The following OCIAD1 variants were observed in gnomAD, a reference collection of about 807,000 sequenced individuals.
The protein encoded by OCIAD1 is OCIA domain-containing protein 1.
In OCIAD1, 29 loss-of-function variants were observed where a neutral mutation model predicts 38.9. That is an observed-to-expected ratio of 0.74 (90% CI 0.55 to 1.02). The LOEUF is 1.02. Ranked by LOEUF, OCIAD1 falls within the 50% of genes least tolerant of loss-of-function variation. OCIAD1 has a pLI of 0.00. For synonymous variants in OCIAD1, 110 were observed against 92.0 expected (o/e 1.20, Z -1.12); for missense variants, 288 against 289.6 (o/e 0.99, Z 0.04).
At chr4:48,826,741 A>G (rs1777256342), upstream of OCIAD1, among the ~76,000 whole-genome samples, 2 of 152,330 alleles carry the variant, frequency 1.3e-5, no homozygotes, top group Non-Finnish European at 2.9e-5. Context: ...AAAACAAAAA[A>G]TAACCTTCAT....
intron 1 of OCIAD1, among the ~76,000 whole-genome samples, chr4:48,814,713 A>C (rs1777126275): frequency 4.6e-5 from 7 of 152,184 alleles, no homozygotes; most frequent in Admixed American, 4.6e-4. Context: ...TCTCTTTTCC[A>C]AACTCCTTTC....
rs1052481226 is a variant in OCIAD1 at position 48,831,203 on chromosome 4, CT to C, written c.-51del. On this transcript the variant is annotated 5_prime_UTR_variant, in exon 1 of 9. The change abolishes the stop of an existing upstream ORF in the 5' untranslated region. Coordinates refer to ENST00000264312, the MANE Select transcript of OCIAD1 (RefSeq NM_017830.4). ...AGTCCACCCTCCGGGCCTTCTGCCCCTGATCGCTTGGTTTTCCTTGCAGTCG... is the reference window on the plus strand; with the variant it reads ...AGTCCACCCTCCGGGCCTTCTGCCCCGATCGCTTGGTTTTCCTTGCAGTCG... The C allele has an allele frequency of 9.1e-5, 31 of 339,124 alleles. No individual in the cohort carries two copies. Among genetic ancestry groups the C allele is most frequent in the Non-Finnish European group, 1.7e-4 (29 of 170,252 alleles). The allele number at this position is 339,124 out of a possible 1,614,324, so 21.0% of individuals were successfully genotyped here.
At chr4:48,820,703 A>G (rs1290818019) in intron 1 of OCIAD1, among the ~76,000 whole-genome samples, 1 of 152,228 alleles carries the variant, frequency 6.6e-6, no homozygotes, top group Non-Finnish European at 1.5e-5. Context: ...ACAATAAAAA[A>G]TGATAAAGGT....
At chr4:48,811,865 T>A (rs1023267310) in intron 1 of OCIAD1, among the ~76,000 whole-genome samples, 2 of 152,212 alleles carry the variant, frequency 1.3e-5, no homozygotes, top group African/African-American at 4.8e-5. Context: ...AGTTTCATTT[T>A]TTTTTTCTGT....
At chr4:48,810,712 C>G (rs1268356501) in intron 1 of OCIAD1, among the ~76,000 whole-genome samples, 1 of 151,856 alleles carries the variant, frequency 6.6e-6, no homozygotes, top group East Asian at 1.9e-4. Context: ...CCTCATGGTG[C>G]TTACCTAGAG....
upstream of OCIAD1, among the ~76,000 whole-genome samples, chr4:48,826,262 A>C (rs147737123): frequency 2.4e-3 from 364 of 151,842 alleles, 1 homozygote; most frequent in African/African-American, 8.4e-3. Flanking sequence ...ATTAACTCAT[A>C]ATTTAGCATT....
upstream of OCIAD1, chr4:48,830,914 C>T (rs956888372): frequency 6.4e-6 from 1 of 156,208 alleles, no homozygotes; most frequent in East Asian, 1.9e-4. Context: ...GTTCTTGGTC[C>T]GCCGCTGTCG....
chr4:48,831,328 C>T, intron 1 of OCIAD1, 79 bp downstream of exon 1: 1 of 411,150 alleles, frequency 2.4e-6, no homozygotes, highest in South Asian at 1.8e-5. Context: ...CCACGACTTT[C>T]GCACCTTCCG....
intron 3 of OCIAD1, among the ~76,000 whole-genome samples, chr4:48,836,691 A>G (rs1778018069): frequency 6.6e-6 from 1 of 152,218 alleles, no homozygotes; most frequent in East Asian, 1.9e-4. Context: ...AGAATCAACA[A>G]AGACCAAGAG....
chr4:48,831,918 G>A (rs1777541548), intron 1 of OCIAD1, among the ~76,000 whole-genome samples: 1 of 152,084 alleles, frequency 6.6e-6, no homozygotes, highest in Non-Finnish European at 1.5e-5. Flanking sequence ...ATGATCCCAC[G>A]TAAACGTTCT....
intron 1 of OCIAD1, among the ~76,000 whole-genome samples, chr4:48,824,652 C>A (rs1200871456): frequency 2.0e-5 from 3 of 152,080 alleles, no homozygotes; most frequent in Admixed American, 2.0e-4. Flanking sequence ...CAGGTGTGAA[C>A]CACCCACTGC....
chr4:48,844,176 T>C (rs1257875033), intron 4 of OCIAD1, among the ~76,000 whole-genome samples: 1 of 152,036 alleles, frequency 6.6e-6, no homozygotes, highest in Non-Finnish European at 1.5e-5. Context: ...GCATAACTAT[T>C]GGGAGAGGCA....
intron 4 of OCIAD1, among the ~76,000 whole-genome samples, chr4:48,844,406 G>A (rs1778801440): frequency 6.6e-6 from 1 of 151,996 alleles, no homozygotes; most frequent in Non-Finnish European, 1.5e-5. Context: ...ACAAGGTTAG[G>A]AAATCGAGAC....
At chr4:48,830,273 T>C (rs1777372811), upstream of OCIAD1, among the ~76,000 whole-genome samples, 4 of 152,184 alleles carry the variant, frequency 2.6e-5, no homozygotes, top group Non-Finnish European at 1.5e-5. Flanking sequence ...TAAGTATGTC[T>C]TCGGGAGAAT....
At chr4:48,856,997 T>C in intron 7 of OCIAD1, 1 of 272,658 alleles carries the variant, frequency 3.7e-6, no homozygotes, top group Non-Finnish European at 7.0e-6. Flanking sequence ...TCCATTTTAA[T>C]TTTTAGAAAT....
chr4:48,855,936 TA>T (rs1779999854), intron 7 of OCIAD1: 2 of 152,210 alleles, frequency 1.3e-5, no homozygotes, highest in South Asian at 4.1e-4. Flanking sequence ...TCACAAAAAT[TA>T]TTTTTTAAAA....
chr4:48,837,554 G>A (rs2109532814), intron 3 of OCIAD1, among the ~76,000 whole-genome samples: 1 of 151,646 alleles, frequency 6.6e-6, no homozygotes, highest in South Asian at 2.1e-4. Flanking sequence ...GCCTCACAAA[G>A]TTCTGGGATT....
At chr4:48,848,630 T>G in intron 5 of OCIAD1, 184 bp downstream of exon 5, 1 of 398,968 alleles carries the variant, frequency 2.5e-6, no homozygotes, top group Non-Finnish European at 4.4e-6. Context: ...TAAAAAATCA[T>G]CAGTTGAAAT....
intron 4 of OCIAD1, among the ~76,000 whole-genome samples, chr4:48,843,957 AAATTT>A (rs1778754235): frequency 1.3e-5 from 2 of 152,260 alleles, no homozygotes; most frequent in African/African-American, 4.8e-5. Flanking sequence ...AGCAAATAGA[AAATTT>A]AATTACATAC....
Sources: gnomAD v4.1 joint callset for allele counts (sites outside exome capture counted in the v4.1 genomes callset) on GRCh38, gnomAD v4.1.1 for gene constraint, MANE v1.5 for transcripts, NCBI Gene and HGNC (gene_info 2026-07-23, HGNC 2026-07-21) for gene names.